ANKHD1: variants seen among roughly 807,000 people sequenced by gnomAD.
The protein encoded by ANKHD1 is ankyrin repeat and KH domain containing 1, also known as ankyrin repeat and KH domain-containing protein 1.
A neutral mutation model predicts 230.5 loss-of-function variants in ANKHD1; 31 were observed. The observed-to-expected ratio is 0.13, with a 90% confidence interval of 0.10 to 0.18. ANKHD1 has a LOEUF of 0.18. Ranked by LOEUF, ANKHD1 falls within the 10% of genes least tolerant of loss-of-function variation. The probability of loss-of-function intolerance (pLI) is 1.00; values close to 1 mark genes in which losing one functional copy is unlikely to be tolerated. For synonymous variants in ANKHD1, 1,074 were observed against 1,117.6 expected (o/e 0.96, Z 0.78); for missense variants, 2,256 against 3,071.3 (o/e 0.73, Z 6.27).
chr5:140,463,037 G>A (rs1581287087), intron 9 of ANKHD1, among the ~76,000 whole-genome samples: 1 of 151,758 alleles, frequency 6.6e-6, no homozygotes, highest in African/African-American at 2.4e-5. Context: ...TTTTGTAGAG[G>A]TGGGGTCTTG....
chr5:140,494,486 A>T (rs1453920493), intron 14 of ANKHD1, among the ~76,000 whole-genome samples: 1 of 152,148 alleles, frequency 6.6e-6, no homozygotes, highest in African/African-American at 2.4e-5. Context: ...TGTACTTTGC[A>T]ATTTAAGGAA....
At chr5:140,439,998 T>C in intron 3 of ANKHD1, 121 bp from the exon 4 acceptor site, 1 of 1,235,706 alleles carries the variant, frequency 8.1e-7, no homozygotes. Flanking sequence ...TATGTTCATA[T>C]AATTTTTTCT....
At position 140,526,259 on chromosome 5, in the gene ANKHD1, G is replaced by A. The variant is rs1051309; in HGVS notation, c.4756G>A (p.Gly1586Ser). ...NKINGEPRGG[G>S]AGGNSDSDNL... ...AATAAATGGAGAACCTAGAGGTGGT[G>A]GTGCAGGTGGGAATAGTGATTCAGA... Residue 1586 changes from glycine to serine, a missense_variant, in exon 26 of 34, where the codon GGT becomes AGT. Physicochemically the swap from Gly to Ser is moderately conservative, Grantham distance 56 (BLOSUM62 0). Transcript: ENST00000360839. 32,094 of 1,614,152 alleles carry A rather than the reference G, an allele frequency of 0.02. 407 individuals are homozygous for A. Among genetic ancestry groups the A allele is most frequent in the Non-Finnish European group, 0.023 (27,018 of 1,180,028 alleles).
chr5:140,521,812 C>A (rs1204721991), intron 24 of ANKHD1, among the ~76,000 whole-genome samples: 1 of 152,182 alleles, frequency 6.6e-6, no homozygotes, highest in East Asian at 1.9e-4. Flanking sequence ...AAACCCTTCT[C>A]TACTAAAAGT....
chr5:140,523,559 T>C (rs1045675152), intron 24 of ANKHD1, among the ~76,000 whole-genome samples: 1 of 151,572 alleles, frequency 6.6e-6, no homozygotes, highest in African/African-American at 2.4e-5. Flanking sequence ...ATAGGTTGAC[T>C]GTTTACTTTT....
At chr5:140,452,212 A>G (rs542729594) in intron 7 of ANKHD1, among the ~76,000 whole-genome samples, 47 of 152,318 alleles carry the variant, frequency 3.1e-4, no homozygotes, top group South Asian at 2.1e-4. Flanking sequence ...TAGGTAAACA[A>G]AGCGGCTAGG....
At chr5:140,450,850 CA>C (rs1174327433) in intron 7 of ANKHD1, among the ~76,000 whole-genome samples, 4 of 151,790 alleles carry the variant, frequency 2.6e-5, no homozygotes, top group African/African-American at 9.7e-5. Flanking sequence ...CAGAATCTAT[CA>C]AAAAAATATT....
chr5:140,436,361 A>G, intron 2 of ANKHD1, 104 bp downstream of exon 2: 1 of 1,242,202 alleles, frequency 8.1e-7, no homozygotes, highest in Non-Finnish European at 1.0e-6. Flanking sequence ...ACAAAATTTA[A>G]AATCTCTAAA....
At chr5:140,449,027 C>T (rs1393783732) in intron 6 of ANKHD1, among the ~76,000 whole-genome samples, 184 bp from the exon 7 acceptor site, 2 of 152,100 alleles carry the variant, frequency 1.3e-5, no homozygotes, top group African/African-American at 4.8e-5. Flanking sequence ...GATAATAAGA[C>T]CTTGAAAAAA....
chr5:140,505,786 G>C lies in ANKHD1; in HGVS notation c.3325G>C (p.Asp1109His), dbSNP rs1267626373. ...TGTTGGAGTTGTTGAAATCCTTTTG[G>C]ATAAAGGTGGAGATATAGAAGCACA... The part of the protein sequence containing the change: ...GHVGVVEILL[D>H]KGGDIEAQSE... Residue 1109 changes from aspartate (D) to histidine (H), a missense_variant, in exon 18 of 34, where the codon GAT becomes CAT. This residue lies in a region of ANKHD1 where 63 missense variants were observed against 125.5 expected (regional missense o/e 0.50). Transcript: ENST00000360839. The C allele has an allele frequency of 6.2e-7, 1 of 1,613,340 alleles. No homozygotes were observed. Among genetic ancestry groups the C allele is most frequent in the East Asian group, 2.2e-5 (1 of 44,790 alleles).
At chr5:140,467,082 TAC>T (rs1413596798) in intron 10 of ANKHD1, among the ~76,000 whole-genome samples, 1 of 152,210 alleles carries the variant, frequency 6.6e-6, no homozygotes, top group Non-Finnish European at 1.5e-5. Flanking sequence ...CAATATATAA[TAC>T]AGTTGTTTTC....
chr5:140,440,397 G>C, intron 4 of ANKHD1, 131 bp downstream of exon 4: 37 of 1,313,724 alleles, frequency 2.8e-5, no homozygotes, highest in Non-Finnish European at 3.5e-5. Context: ...TTCCCTTTTT[G>C]GTAGTGGGTA....
At chr5:140,530,180 G>A (rs962131332) in intron 29 of ANKHD1, among the ~76,000 whole-genome samples, 3 of 151,676 alleles carry the variant, frequency 2.0e-5, no homozygotes, top group Non-Finnish European at 4.4e-5. Context: ...ATAGCTATTT[G>A]TTTTTTATGT....
At chr5:140,488,543 G>A (rs1290459071) in intron 14 of ANKHD1, among the ~76,000 whole-genome samples, 3 of 150,548 alleles carry the variant, frequency 2.0e-5, no homozygotes, top group Non-Finnish European at 4.4e-5. Context: ...CTGAGTTGAG[G>A]CCATTGCATT....
intron 1 of ANKHD1, among the ~76,000 whole-genome samples, chr5:140,406,247 A>AG (rs1303033566): frequency 6.6e-6 from 1 of 152,008 alleles, no homozygotes; most frequent in Non-Finnish European, 1.5e-5. Context: ...CAAAAAAAAA[A>AG]AAAAATAAAT....
chr5:140,458,995 TGC>T (rs1291896835), intron 8 of ANKHD1, 133 bp downstream of exon 8: 2,099 of 17,542 alleles, frequency 0.12, 42 homozygotes, highest in African/African-American at 0.19. Flanking sequence ...TATATATATA[TGC>T]ATATATATAT....
chr5:140,418,887 C>T (rs556826563), intron 1 of ANKHD1, among the ~76,000 whole-genome samples: 1 of 152,040 alleles, frequency 6.6e-6, no homozygotes, highest in Non-Finnish European at 1.5e-5. Flanking sequence ...TGTGCCAACA[C>T]TCCTGGCTAA....
intron 24 of ANKHD1, among the ~76,000 whole-genome samples, chr5:140,516,005 G>T (rs938521424): frequency 6.6e-6 from 1 of 152,060 alleles, no homozygotes; most frequent in Non-Finnish European, 1.5e-5. Context: ...TCTGAGCTAC[G>T]GGAGGAAATT....
intron 3 of ANKHD1, among the ~76,000 whole-genome samples, chr5:140,439,129 C>T (rs59905148): frequency 1.3e-5 from 2 of 152,008 alleles, no homozygotes; most frequent in African/African-American, 2.4e-5. Context: ...ACGAGTAACT[C>T]GTACACATTA....
Sources: gnomAD v4.1 joint callset for allele counts (sites outside exome capture counted in the v4.1 genomes callset) on GRCh38, gnomAD v4.1.1 for gene constraint, gnomAD v4.1.1 regional missense constraint, MANE v1.5 for transcripts, NCBI Gene and HGNC (gene_info 2026-07-23, HGNC 2026-07-21) for gene names.